The following COL4A4 variants were observed in gnomAD, a reference collection of about 807,000 sequenced individuals.
COL4A4 encodes the protein collagen type IV alpha 4 chain, also known as collagen alpha-4(IV) chain.
COL4A4 carries 105 observed loss-of-function variants against 192.9 expected under a neutral mutation model. The observed-to-expected ratio is 0.54, with a 90% CI of 0.46 to 0.64. COL4A4 has a LOEUF of 0.64. Among genes scored for constraint, COL4A4 ranks in the 30% least tolerant of loss-of-function variants. COL4A4 has a pLI of 0.00. For missense variants in COL4A4, 1,967 were observed against 2,169.3 expected (o/e 0.91, Z 1.85); for synonymous variants, 762 against 769.9 (o/e 0.99, Z 0.17).
At position 227,073,688 on chromosome 2, in the gene COL4A4, A is replaced by G. The variant is rs991578654; in HGVS notation, c.1987+4206T>C. Reference sequence around the variant, plus strand: ...TACCAAAACAGCATGGTACTGTTGTAAAAGTAGGCACATACACCAATGGAA... The same window carrying G: ...TACCAAAACAGCATGGTACTGTTGTGAAAGTAGGCACATACACCAATGGAA... On this transcript the variant is annotated intron_variant, in intron 25 of 47. Coordinates refer to ENST00000396625, the MANE Select transcript of COL4A4 (RefSeq NM_000092.5). Among the ~76,000 whole-genome samples, 4 of 152,094 alleles carry G rather than the reference A, an allele frequency of 2.6e-5. No homozygotes were observed. In the East Asian group the frequency reaches 7.7e-4, roughly 29 times the overall value.
intron 37 of COL4A4, among the ~76,000 whole-genome samples, chr2:227,037,906 A>G (rs2150035675): frequency 6.6e-6 from 1 of 152,278 alleles, no homozygotes; most frequent in East Asian, 1.9e-4. Context: ...GTGTCTGTTT[A>G]TATCCTTCGC....
rs1966468248 is a variant in COL4A4 at position 227,023,739 on chromosome 2, CGCGGTGGCTCAT to C, written c.4091-1578_4091-1567del. On this transcript the variant is annotated intron_variant, in intron 43 of 47. Coordinates refer to ENST00000396625, the MANE Select transcript of COL4A4 (RefSeq NM_000092.5). ...ACAAGAACACTCAGGCTTCGCCAGG[CGCGGTGGCTCAT>C]GCCTGTAATTCCAGCACTTTGGGAG... Among the ~76,000 whole-genome samples the C allele has an allele frequency of 2.0e-5, 3 of 152,170 alleles. No homozygotes were observed. In the South Asian group the frequency reaches 6.2e-4, roughly 32 times the overall value.
chr2:227,072,420 A>G (rs1342503387), intron 25 of COL4A4, among the ~76,000 whole-genome samples: 2 of 151,986 alleles, frequency 1.3e-5, no homozygotes, highest in Non-Finnish European at 2.9e-5. Context: ...TTAAATTCCC[A>G]AGAAAACAAA....
At chr2:227,023,026 G>A (rs1966322724) in intron 43 of COL4A4, among the ~76,000 whole-genome samples, 1 of 152,182 alleles carries the variant, frequency 6.6e-6, no homozygotes, top group South Asian at 2.1e-4. Flanking sequence ...TAGCACATCA[G>A]AATTGTGTCG....
At chr2:227,144,649 C>A (rs1288967953) in intron 2 of COL4A4, 91 bp from the exon 3 acceptor site, 14 of 1,096,070 alleles carry the variant, frequency 1.3e-5, no homozygotes, top group Non-Finnish European at 1.8e-5. Context: ...TTCCAGAAAG[C>A]TACTTTTTAT....
In COL4A4 at chr2:227,032,166, C is replaced by CT. The variant is rs1559455208; in HGVS notation, c.3687dup (p.Gly1230ArgfsTer23). 6.2e-7 allele frequency: 1 copy of CT among 1,614,146 alleles called. No individual in the cohort carries two copies. ...AGCTTACCTGGGGGTCCTGGGGGAC[C>CT]TTTCTTTCCACGAGGACCTGGAGGA... On this transcript the variant is annotated frameshift_variant, in exon 39 of 48. Transcript: ENST00000396625. LOFTEE classifies it high-confidence loss of function.
downstream of COL4A4, among the ~76,000 whole-genome samples, chr2:226,999,738 G>A (rs1333760117): frequency 6.6e-6 from 1 of 152,178 alleles, no homozygotes; most frequent in Admixed American, 6.5e-5. Flanking sequence ...ATGGCATCAT[G>A]TGGCTTAAAG....
At chr2:227,079,322 G>A (rs963289462) in intron 24 of COL4A4, among the ~76,000 whole-genome samples, 8 of 152,196 alleles carry the variant, frequency 5.3e-5, no homozygotes, top group Non-Finnish European at 4.4e-5. Context: ...CTATATAGAC[G>A]CTGCTTTTTC....
chr2:227,068,415 A>T (rs1451190893), intron 25 of COL4A4, among the ~76,000 whole-genome samples: 1 of 152,234 alleles, frequency 6.6e-6, no homozygotes, highest in Non-Finnish European at 1.5e-5. Context: ...GACACAACCA[A>T]AAAAGAGAAT....
chr2:227,030,916 A>AGATGGATGGATGGATG (rs10689496), intron 40 of COL4A4, among the ~76,000 whole-genome samples: 72 of 145,900 alleles, frequency 4.9e-4, no homozygotes, highest in Non-Finnish European at 6.2e-4. Flanking sequence ...TGCTTTAATA[A>AGATGGATGGATGGATG]GATGGATGGA....
At chr2:226,980,137 G>T in the COL4A4 span, among the ~76,000 whole-genome samples, 1 of 152,108 alleles carries the variant, frequency 6.6e-6, no homozygotes, top group East Asian at 1.9e-4. Context: ...TTTGACCCAG[G>T]TGCTCATATC....
intron 31 of COL4A4, among the ~76,000 whole-genome samples, chr2:227,053,053 T>C (rs989527908): frequency 1.3e-5 from 2 of 151,430 alleles, no homozygotes; most frequent in African/African-American, 4.9e-5. Context: ...ATTTATGCCA[T>C]GACACTCAGC....
chr2:226,973,703 A>G, the COL4A4 span, among the ~76,000 whole-genome samples: 1 of 152,194 alleles, frequency 6.6e-6, no homozygotes, highest in African/African-American at 2.4e-5. Flanking sequence ...AGCAGCAAGC[A>G]TTTTGTTATC....
chr2:227,109,644 G>A (rs375339370), intron 9 of COL4A4, among the ~76,000 whole-genome samples: 7 of 152,118 alleles, frequency 4.6e-5, no homozygotes, highest in Admixed American at 3.9e-4. Flanking sequence ...CTACTCGGGA[G>A]GCTGAGACAG....
chr2:227,149,421 C>G (rs1004100251), intron 1 of COL4A4, among the ~76,000 whole-genome samples: 2 of 152,066 alleles, frequency 1.3e-5, no homozygotes, highest in Non-Finnish European at 2.9e-5. Flanking sequence ...CAGTAAAGCC[C>G]CTTCCTCATC....
chr2:227,120,935 TA>T lies in COL4A4; in HGVS notation c.327+78del, dbSNP rs903171501. On this transcript the variant is annotated intron_variant, in intron 5 of 47. Transcript: ENST00000396625. ...GCCTGAGTGACAGAGTAAGACTGTC[TA>T]AAAAAAACAAAAACAAAAAATGGTG... 3.3e-5 allele frequency: 52 copies of T among 1,570,126 alleles called. No individual in the cohort carries two copies. The African/African-American group carries it at 4.3e-4, about 13-fold the overall frequency.
intron 1 of COL4A4, among the ~76,000 whole-genome samples, chr2:227,157,149 T>C (rs948992484): frequency 3.3e-5 from 5 of 152,126 alleles, no homozygotes; most frequent in African/African-American, 1.2e-4. Context: ...TAGAATTCAA[T>C]GGTAAGCCAT....
At chr2:227,027,165 T>A (rs1307337120) in intron 42 of COL4A4, among the ~76,000 whole-genome samples, 2 of 149,916 alleles carry the variant, frequency 1.3e-5, no homozygotes, top group Non-Finnish European at 1.5e-5. Flanking sequence ...GTCAGGTGGA[T>A]CACTTGAACC....
intron 37 of COL4A4, among the ~76,000 whole-genome samples, chr2:227,038,511 G>A (rs536690971): frequency 6.6e-6 from 1 of 152,272 alleles, no homozygotes; most frequent in Non-Finnish European, 1.5e-5. Context: ...GATGCCTCTG[G>A]CTTTATTCTT....
Sources: gnomAD v4.1 joint callset for allele counts (sites outside exome capture counted in the v4.1 genomes callset) on GRCh38, gnomAD v4.1.1 for gene constraint, MANE v1.5 for transcripts, NCBI Gene and HGNC (gene_info 2026-07-23, HGNC 2026-07-21) for gene names.